Variants in CACNA2D4 observed in about 807,000 individuals in gnomAD.
CACNA2D4 encodes calcium voltage-gated channel auxiliary subunit alpha2delta 4.
A neutral mutation model predicts 163.8 loss-of-function variants in CACNA2D4; 157 were observed. The ratio of observed to expected loss-of-function variants is 0.96; its 90% CI spans 0.84 to 1.09. CACNA2D4 has a LOEUF of 1.09. Ranked by LOEUF, CACNA2D4 falls within the 50% of genes least tolerant of loss-of-function variation. The pLI, the probability that CACNA2D4 is intolerant of heterozygous loss-of-function variation, is 0.00. For synonymous variants in CACNA2D4, 598 were observed against 586.9 expected (o/e 1.02, Z -0.27); for missense variants, 1,410 against 1,479.9 (o/e 0.95, Z 0.78).
rs1290906729 is a variant in CACNA2D4, at chr12:1,861,444, CTCT to C, written c.1879-1241_1879-1239del. The stretch of plus-strand genomic sequence containing the variant: ...ACTGGAGATCATTTTTTTATTTTTA[CTCT>C]TTTTTTTTTTTTGAGATGGAGTCTC... On this transcript the variant is annotated intron_variant, in intron 18 of 37. Coordinates refer to ENST00000382722, the MANE Select transcript of CACNA2D4 (RefSeq NM_172364.5). Among the ~76,000 whole-genome samples, 665 of 143,688 alleles carry C rather than the reference CTCT, an allele frequency of 4.6e-3. 2 individuals carry two copies. Among genetic ancestry groups the C allele is most frequent in the African/African-American group, 0.018 (645 of 35,286 alleles). The allele number at this position is 143,688 out of a possible 152,430, so 94.3% of individuals were successfully genotyped here. A position where few individuals can be genotyped will look rare whatever the true frequency, so the allele number is the denominator to read the frequency against.
At position 1,882,642 on chromosome 12, in the gene CACNA2D4, T is replaced by C. The variant is rs186391370; in HGVS notation, c.1485+225A>G. 4.1e-3 allele frequency among the ~76,000 whole-genome samples: 628 copies of C among 152,182 alleles called. 5 individuals are homozygous for C. Among genetic ancestry groups the C allele is most frequent in the African/African-American group, 0.014 (581 of 41,520 alleles). The stretch of plus-strand genomic sequence containing the variant: ...TGGAGAGCACCTCAGGCAGGTCTGC[T>C]GGGGGTCTAAGGCAGCATATGAGCA... On this transcript the variant is annotated intron_variant, in intron 13 of 37. Coordinates refer to ENST00000382722, the MANE Select transcript of CACNA2D4 (RefSeq NM_172364.5).
chr12:1,860,268 CG>C (rs1386989359), intron 18 of CACNA2D4, 62 bp from the exon 19 acceptor site: 22 of 1,335,154 alleles, frequency 1.6e-5, no homozygotes, highest in African/African-American at 7.4e-5. Context: ...GCCCCCACCT[CG>C]CCCCCAGGGC....
intron 29 of CACNA2D4, among the ~76,000 whole-genome samples, chr12:1,807,548 G>A (rs574799727): frequency 4.6e-5 from 7 of 152,012 alleles, no homozygotes; most frequent in South Asian, 2.1e-4. Context: ...ACAGAGGGTC[G>A]GACAGCTGAA....
At chr12:1,899,961 G>T (rs1866498276) in intron 6 of CACNA2D4, among the ~76,000 whole-genome samples, 2 of 152,044 alleles carry the variant, frequency 1.3e-5, no homozygotes, top group African/African-American at 4.8e-5. Flanking sequence ...GCAAGGATTG[G>T]TTAACATTAG....
At position 1,799,877 on chromosome 12, in the gene CACNA2D4, G is replaced by T; in HGVS notation, c.2974+123C>A. 7.8e-7 allele frequency: 1 copy of T among 1,282,278 alleles called. No homozygotes were observed. The highest frequency in any genetic ancestry group is 1.1e-6 in the Non-Finnish European group (1 of 910,114). 79.4% of individuals were successfully genotyped at this position (1,282,278 alleles called of 1,614,324 possible). A position where few individuals can be genotyped will look rare whatever the true frequency, so the allele number is the denominator to read the frequency against. ...GAGAAGGCCACGCAGGGTGAGATGT[G>T]AACAACGATGCTTCAGGGTCACCTA... On this transcript the variant is annotated intron_variant, in intron 33 of 37. Coordinates refer to ENST00000382722, the MANE Select transcript of CACNA2D4 (RefSeq NM_172364.5). This position sits in a 1 kb window ranked among gnomAD's most constrained non-coding sequence, Gnocchi z 4.7.
rs946347052 is a variant in CACNA2D4, at chr12:1,846,744, G to A, written c.2247-55C>T. 9.1e-6 allele frequency: 13 copies of A among 1,428,698 alleles called. No individual in the cohort carries two copies. In the Admixed American group the frequency reaches 2.5e-4, roughly 28 times the overall value. The allele number at this position is 1,428,698 out of a possible 1,614,324, so 88.5% of individuals were successfully genotyped here. The stretch of plus-strand genomic sequence containing the variant: ...CCACATGGCTGTGGCAAGAGCTTGG[G>A]GGCGACCTGCAGGGGTTTGGGGGCC... On this transcript the variant is annotated intron_variant, in intron 23 of 37. Transcript: ENST00000382722.
In CACNA2D4 at chr12:1,802,015, C is replaced by CTGTGTG. The variant is rs60739615; in HGVS notation, c.2722-377_2722-372dup. 9.6e-3 allele frequency among the ~76,000 whole-genome samples: 1,378 copies of CTGTGTG among 144,238 alleles called. 13 individuals carry two copies. The highest frequency in any genetic ancestry group is 0.017 in the Middle Eastern group (5 of 286). The allele number at this position is 144,238 out of a possible 152,430, so 94.6% of individuals were successfully genotyped here. A position where few individuals can be genotyped will look rare whatever the true frequency, so the allele number is the denominator to read the frequency against. On this transcript the variant is annotated intron_variant, in intron 29 of 37. Coordinates refer to ENST00000382722, the MANE Select transcript of CACNA2D4 (RefSeq NM_172364.5). The surrounding 1 kb of genome is among the most constrained non-coding windows in gnomAD (Gnocchi z 4.7). ...TATGAAACTGGATTTGTTTTATATG[C>CTGTGTG]TGTGTGTGTGTGTGTGTGTGTGTGT...
intron 6 of CACNA2D4, among the ~76,000 whole-genome samples, chr12:1,892,527 T>C (rs1350373708): frequency 6.6e-6 from 1 of 152,024 alleles, no homozygotes; most frequent in Non-Finnish European, 1.5e-5. Flanking sequence ...ATGTTACCAC[T>C]ACAGAAAACT....
Position 1,834,556 on chromosome 12 carries a change from C to T in CACNA2D4, c.2551+6183G>A, listed in dbSNP as rs992105674. On this transcript the variant is annotated intron_variant, in intron 26 of 37. Transcript: ENST00000382722. This position sits in a 1 kb window ranked among gnomAD's most constrained non-coding sequence, Gnocchi z 7.6. ...TGGGCACGGTGATCATTGCAGGGGT[C>T]GTGTGCGGCGTCGTCTGCATCATGA... The T allele has an allele frequency of 3.9e-5, 62 of 1,602,634 alleles. 1 individual carries two copies. In the East Asian group the frequency reaches 1.2e-3, roughly 31 times the overall value.
rs975610743 is a variant in CACNA2D4 at position 1,799,447 on chromosome 12, G to A, written c.2995+228C>T. Among the ~76,000 whole-genome samples the A allele has an allele frequency of 6.6e-6, 1 of 152,208 alleles. No individual in the cohort carries two copies. Among genetic ancestry groups the A allele is most frequent in the African/African-American group, 2.4e-5 (1 of 41,458 alleles). On this transcript the variant is annotated intron_variant, in intron 34 of 37. Transcript: ENST00000382722. The surrounding 1 kb of genome is among the most constrained non-coding windows in gnomAD (Gnocchi z 4.7). ...GAATCTTACGTGTTCTCACCCAAGG[G>A]GAGGCTGGAGTTTCTCATTTTCCCT... is the stretch of plus-strand genomic sequence containing the variant.
At chr12:1,884,439 A>G (rs1031300932) in intron 11 of CACNA2D4, 118 bp from the exon 12 acceptor site, 1 of 809,526 alleles carries the variant, frequency 1.2e-6, no homozygotes, top group Non-Finnish European at 2.1e-6. Flanking sequence ...CGGGTTCTCC[A>G]ATTTCACCCC....
intron 36 of CACNA2D4, 90 bp downstream of exon 36, chr12:1,795,578 G>T: frequency 9.9e-7 from 1 of 1,006,420 alleles, no homozygotes. Context: ...CGGTGAAGGA[G>T]GCTGGCCCCG....
Position 1,884,762 on chromosome 12 carries a change from G to A in CACNA2D4, c.1272+6C>T. ...TTTTCTCCCTGGACACCCGTGGGAGGGTCACCTTACAGTCTGGCCAGTTAT... is the reference window on the plus strand; with the variant it reads ...TTTTCTCCCTGGACACCCGTGGGAGAGTCACCTTACAGTCTGGCCAGTTAT... On this transcript the variant is annotated splice_donor_region_variant and intron_variant, in intron 11 of 37. Transcript: ENST00000382722. 1 of 1,601,068 alleles carries A rather than the reference G, an allele frequency of 6.2e-7. No individual in the cohort carries two copies. Among genetic ancestry groups the A allele is most frequent in the Non-Finnish European group, 8.6e-7 (1 of 1,168,862 alleles).
intron 26 of CACNA2D4, among the ~76,000 whole-genome samples, chr12:1,814,226 T>C (rs2154445986): frequency 6.6e-6 from 1 of 152,256 alleles, no homozygotes; most frequent in South Asian, 2.1e-4. Flanking sequence ...CTGGAAGGAA[T>C]TCTACGATTC....
chr12:1,897,488 T>C (rs1866435874), intron 6 of CACNA2D4, among the ~76,000 whole-genome samples: 1 of 152,218 alleles, frequency 6.6e-6, no homozygotes, highest in Non-Finnish European at 1.5e-5. Flanking sequence ...ATATTACATA[T>C]TCCCATAAAT....
chr12:1,884,712 C>T, intron 11 of CACNA2D4, 56 bp downstream of exon 11: 1 of 1,156,152 alleles, frequency 8.6e-7, no homozygotes, highest in Non-Finnish European at 1.3e-6. Flanking sequence ...GCTGGTGATC[C>T]CATCCATGGC....
chr12:1,885,008 T>C lies in CACNA2D4; in HGVS notation c.1137A>G (p.Glu379=). ...GVGVVDQALR[E]AFQILKQFQE... ...GCACCTGCTTCAGGATCTGGAAGGC[T>C]TCTCTCAGGGCTTGGTCCACGACCC... The change falls in exon 10 of 38, where the codon GAA becomes GAG. Residue 379 remains glutamate (E), a synonymous_variant. Coordinates refer to ENST00000382722, the MANE Select transcript of CACNA2D4 (RefSeq NM_172364.5). 1 of 1,613,910 alleles carries C rather than the reference T, an allele frequency of 6.2e-7. No homozygotes were observed. The highest frequency in any genetic ancestry group is 8.5e-7 in the Non-Finnish European group (1 of 1,179,838).
chr12:1,854,134 G>T, intron 22 of CACNA2D4, 90 bp from the exon 23 acceptor site: 5 of 951,448 alleles, frequency 5.3e-6, no homozygotes, highest in Non-Finnish European at 7.7e-6. Context: ...GAGAAGATGT[G>T]CTTCCTGAAC....
chr12:1,889,306 G>A (rs2154449938), intron 6 of CACNA2D4, among the ~76,000 whole-genome samples: 1 of 152,118 alleles, frequency 6.6e-6, no homozygotes, highest in South Asian at 2.1e-4. Context: ...CAAATAAAAT[G>A]GTAAATAAGT....
Sources: gnomAD v4.1 joint callset for allele counts (sites outside exome capture counted in the v4.1 genomes callset) on GRCh38, gnomAD v4.1.1 for gene constraint, Gnocchi (gnomAD v3.1) non-coding constraint, MANE v1.5 for transcripts, NCBI Gene and HGNC (gene_info 2026-07-23, HGNC 2026-07-21) for gene names.